Variants in DOCK7 observed in about 807,000 individuals in gnomAD.
DOCK7 encodes dedicator of cytokinesis protein 7.
Under a neutral mutation model 271.0 loss-of-function variants are expected in DOCK7, and 138 were observed. The observed-to-expected ratio is 0.51, with a 90% CI of 0.44 to 0.59. The LOEUF is 0.59. Ranked by LOEUF, DOCK7 falls within the 20% of genes least tolerant of loss-of-function variation. The pLI, the probability that DOCK7 is intolerant of heterozygous loss-of-function variation, is 0.00. For missense variants in DOCK7, 2,066 were observed against 2,592.4 expected (o/e 0.80, Z 4.41); for synonymous variants, 823 against 876.1 (o/e 0.94, Z 1.07).
intron 16 of DOCK7, among the ~76,000 whole-genome samples, chr1:62,581,297 T>C (rs1647112683): frequency 6.6e-6 from 1 of 152,174 alleles, no homozygotes; most frequent in South Asian, 2.1e-4. Flanking sequence ...GCACAGGTTA[T>C]GTTTAGTAAT....
At chr1:62,686,795 C>G (rs1322203136) in intron 1 of DOCK7, among the ~76,000 whole-genome samples, 1 of 151,382 alleles carries the variant, frequency 6.6e-6, no homozygotes, top group Non-Finnish European at 1.5e-5. Context: ...GAACCCATGT[C>G]GGGGTCTGAG....
Position 62,552,893 on chromosome 1 carries a change from C to T in DOCK7, c.2605G>A (p.Gly869Ser), listed in dbSNP as rs201823761. 1,177 of 1,604,212 alleles carry T rather than the reference C, an allele frequency of 7.3e-4. No individual in the cohort carries two copies. Among genetic ancestry groups the T allele is most frequent in the Admixed American group, 1.4e-3 (82 of 59,356 alleles). ...YPNSSSPGPG[G>S]LGGSVHYATM... ...GCATAATGCACTGATCCTCCCAAACCCCCAGGACCTAGAGTTGTATATGAA... is the reference window on the plus strand; with the variant it reads ...GCATAATGCACTGATCCTCCCAAACTCCCAGGACCTAGAGTTGTATATGAA... Residue 869 changes from glycine (G) to serine (S), a missense_variant, in exon 22 of 50, where the codon GGT becomes AGT. Gly to Ser is a moderately conservative substitution (Grantham distance 56, BLOSUM62 0). Around this residue, in one of 2 missense-constraint regions of DOCK7, gnomAD observed 1,414 missense variants for 1,670.4 expected, o/e 0.85. Coordinates refer to ENST00000635253, the MANE Select transcript of DOCK7 (RefSeq NM_001367561.1).
intron 2 of DOCK7, among the ~76,000 whole-genome samples, chr1:62,659,882 CAG>C (rs1254800396): frequency 2.0e-5 from 3 of 152,104 alleles, no homozygotes. Flanking sequence ...TACTAAATAA[CAG>C]AGTTATACTC....
chr1:62,525,684 G>A (rs557166506), intron 31 of DOCK7, among the ~76,000 whole-genome samples: 5 of 152,284 alleles, frequency 3.3e-5, no homozygotes, highest in Non-Finnish European at 4.4e-5. Context: ...TGGATATGCT[G>A]CTGTTTATTT....
In DOCK7 at chr1:62,505,826, A is replaced by G; in HGVS notation, c.4477-10T>C. ...CCGTTACAGAAACGGTCTGCAATTT[A>G]AAAATAAACAAATAAAATAGAGATG... On this transcript the variant is annotated splice_polypyrimidine_tract_variant and intron_variant, in intron 35 of 49. Coordinates refer to ENST00000635253, the MANE Select transcript of DOCK7 (RefSeq NM_001367561.1). 6.2e-7 allele frequency: 1 copy of G among 1,607,730 alleles called. No individual in the cohort carries two copies. Among genetic ancestry groups the G allele is most frequent in the Middle Eastern group, 1.7e-4 (1 of 6,018 alleles).
chr1:62,599,294 T>C (rs1469207765), intron 14 of DOCK7, among the ~76,000 whole-genome samples: 1 of 152,020 alleles, frequency 6.6e-6, no homozygotes, highest in Non-Finnish European at 1.5e-5. Flanking sequence ...ACATCAAACA[T>C]ACTGCCACCT....
rs1161312915 is a variant in DOCK7, at chr1:62,686,157, C to CTT, written c.38+2068_38+2069dup. 9.5e-4 allele frequency among the ~76,000 whole-genome samples: 4 copies of CTT among 4,208 alleles called. 1 individual carries two copies. The highest frequency in any genetic ancestry group is 1.0e-3 in the African/African-American group (4 of 3,984). The allele number at this position is 4,208 out of a possible 152,430, so 2.8% of individuals were successfully genotyped here. On this transcript the variant is annotated intron_variant, in intron 1 of 49. Coordinates refer to ENST00000635253, the MANE Select transcript of DOCK7 (RefSeq NM_001367561.1). Reference sequence around the variant, plus strand: ...ACTAGGAATACATGTCAAGTAATAACTTTTTTTTTTTTTTTTTTTTTTTTT... The same window carrying CTT: ...ACTAGGAATACATGTCAAGTAATAACTTTTTTTTTTTTTTTTTTTTTTTTTTT...
chr1:62,641,650 C>T, intron 7 of DOCK7: 1 of 453,060 alleles, frequency 2.2e-6, no homozygotes, highest in South Asian at 1.6e-5. Flanking sequence ...GCAGTACCTG[C>T]TTGGCCACAA....
intron 1 of DOCK7, among the ~76,000 whole-genome samples, chr1:62,665,491 G>A (rs1197285546): frequency 6.6e-6 from 1 of 151,726 alleles, no homozygotes; most frequent in African/African-American, 2.4e-5. Context: ...AGATCACGAG[G>A]TCAAGAAATC....
At position 62,542,707 on chromosome 1, in the gene DOCK7, T is replaced by C. The variant is rs377420431; in HGVS notation, c.2950-4A>G. On this transcript the variant is annotated splice_region_variant and splice_polypyrimidine_tract_variant and intron_variant, in intron 24 of 49. Transcript: ENST00000635253. Reference sequence around the variant, plus strand: ...AAGCCAGCTCCTCGTGAAAAAGCTATCCAGAAGTAAATCCAAAGTTATTAT... The same window carrying C: ...AAGCCAGCTCCTCGTGAAAAAGCTACCCAGAAGTAAATCCAAAGTTATTAT... 5.3e-5 allele frequency: 86 copies of C among 1,611,938 alleles called. No individual in the cohort carries two copies. In the Middle Eastern group the frequency reaches 1.8e-3, roughly 34 times the overall value.
intron 44 of DOCK7, 47 bp from the exon 45 acceptor site, chr1:62,476,203 C>G (rs79655355): frequency 3.9e-6 from 6 of 1,519,692 alleles, no homozygotes; most frequent in South Asian, 1.2e-5. Flanking sequence ...AAAAAGACTG[C>G]GAAATAGAGA....
chr1:62,657,610 T>C (rs1307514088), intron 2 of DOCK7, among the ~76,000 whole-genome samples: 5 of 152,154 alleles, frequency 3.3e-5, no homozygotes, highest in Non-Finnish European at 1.5e-5. Context: ...TGACAAAGAT[T>C]TCAAGGCAAA....
chr1:62,515,149 A>C (rs959455736), intron 31 of DOCK7, among the ~76,000 whole-genome samples: 7 of 152,072 alleles, frequency 4.6e-5, no homozygotes, highest in African/African-American at 7.2e-5. Flanking sequence ...AAAAAAAAAA[A>C]AAAACCTGAC....
At chr1:62,586,165 A>G (rs901699073) in intron 15 of DOCK7, among the ~76,000 whole-genome samples, 3 of 152,194 alleles carry the variant, frequency 2.0e-5, no homozygotes, top group Non-Finnish European at 1.5e-5. Flanking sequence ...ACAGACGCCA[A>G]AAGTACAGAA....
intron 37 of DOCK7, 86 bp from the exon 38 acceptor site, chr1:62,496,583 G>C: frequency 7.8e-7 from 1 of 1,283,376 alleles, no homozygotes; most frequent in Non-Finnish European, 1.1e-6. Flanking sequence ...AGTATATTTA[G>C]TGAAAAAATA....
At chr1:62,627,037 T>C (rs1177118095) in intron 11 of DOCK7, among the ~76,000 whole-genome samples, 1 of 151,984 alleles carries the variant, frequency 6.6e-6, no homozygotes, top group South Asian at 2.1e-4. Flanking sequence ...AAAGATTACA[T>C]GCCATGACCA....
intron 14 of DOCK7, among the ~76,000 whole-genome samples, chr1:62,613,182 C>A (rs1448055591): frequency 6.6e-6 from 1 of 152,100 alleles, no homozygotes; most frequent in East Asian, 1.9e-4. Context: ...TTAATGTTAA[C>A]AATTACACTA....
chr1:62,680,309 T>C (rs1660972703), intron 1 of DOCK7, among the ~76,000 whole-genome samples: 2 of 152,148 alleles, frequency 1.3e-5, no homozygotes, highest in African/African-American at 4.8e-5. Context: ...ATTTAATAAA[T>C]GGTGTCGGGA....
intron 23 of DOCK7, 103 bp downstream of exon 23, chr1:62,544,844 G>C (rs913233411): frequency 2.3e-6 from 2 of 871,286 alleles, no homozygotes; most frequent in Non-Finnish European, 3.4e-6. Context: ...ACTTTTTAAT[G>C]ATTAAAAAAA....
Sources: allele counts gnomAD v4.1 joint callset (sites outside exome capture counted in the v4.1 genomes callset), GRCh38; gene constraint gnomAD v4.1.1; regional missense constraint gnomAD v4.1.1; transcripts MANE v1.5; gene names NCBI Gene and HGNC (gene_info 2026-07-23, HGNC 2026-07-21).